Variants in KCNJ15 observed in about 807,000 individuals in gnomAD.
KCNJ15 encodes the protein ATP-sensitive inward rectifier potassium channel 15.
A neutral mutation model predicts 23.0 loss-of-function variants in KCNJ15; 14 were observed. The ratio of observed to expected loss-of-function variants is 0.61; its 90% CI spans 0.40 to 0.95. KCNJ15 has a LOEUF of 0.95. Among genes scored for constraint, KCNJ15 ranks in the 40% least tolerant of loss-of-function variants. The probability of loss-of-function intolerance (pLI) is 0.00; values close to 1 mark genes in which losing one functional copy is unlikely to be tolerated. For synonymous variants in KCNJ15, 185 were observed against 183.2 expected, an observed-to-expected ratio of 1.01 and a Z score of -0.08; for missense variants, 388 against 461.8, an observed-to-expected ratio of 0.84 and a Z score of 1.46.
chr21:38,231,051 C>G (rs1988722253), intron 1 of KCNJ15, among the ~76,000 whole-genome samples: 1 of 152,030 alleles, frequency 6.6e-6, no homozygotes, highest in Non-Finnish European at 1.5e-5. Flanking sequence ...AATCCATGAA[C>G]ATGGGATGTC....
intron 1 of KCNJ15, among the ~76,000 whole-genome samples, chr21:38,282,113 G>A (rs778919200): frequency 1.3e-5 from 2 of 152,030 alleles, no homozygotes; most frequent in Admixed American, 1.3e-4. Flanking sequence ...TTTAAATGGA[G>A]CAATATGTTT....
chr21:38,276,834 A>AT (rs761460256), intron 1 of KCNJ15, among the ~76,000 whole-genome samples: 1 of 152,174 alleles, frequency 6.6e-6, no homozygotes, highest in Non-Finnish European at 1.5e-5. Context: ...TGATCAAGGC[A>AT]TTTACATCCT....
rs1034741952 is a variant in KCNJ15 at position 38,299,284 on chromosome 21, T to G, written c.23T>G (p.Met8Arg). MDAIHIG[M>R]SSTPLVKHTA... ...GCAATGGATGCCATTCACATCGGCATGTCCAGCACCCCCCTGGTGAAGCAC... is the reference window on the plus strand; with the variant it reads ...GCAATGGATGCCATTCACATCGGCAGGTCCAGCACCCCCCTGGTGAAGCAC... Residue 8 changes from methionine to arginine, a missense_variant, in exon 3 of 3, where the codon ATG (methionine) becomes AGG (arginine). Coordinates refer to ENST00000398938, the MANE Select transcript of KCNJ15 (RefSeq NM_170736.3). This position sits in a 1 kb window ranked among gnomAD's most constrained non-coding sequence, Gnocchi z 4.5. 1.9e-6 allele frequency: 3 copies of G among 1,613,498 alleles called. 1 individual carries two copies. Among genetic ancestry groups the G allele is most frequent in the Non-Finnish European group, 2.5e-6 (3 of 1,179,574 alleles).
At chr21:38,239,959 C>T (rs1353603992) in intron 1 of KCNJ15, among the ~76,000 whole-genome samples, 5 of 152,112 alleles carry the variant, frequency 3.3e-5, no homozygotes, top group South Asian at 2.1e-4. Flanking sequence ...GGTTTATTTA[C>T]GTTTTCTTAC....
chr21:38,266,653 A>T (rs1478837274), intron 1 of KCNJ15, among the ~76,000 whole-genome samples: 1 of 152,198 alleles, frequency 6.6e-6, no homozygotes, highest in Non-Finnish European at 1.5e-5. Flanking sequence ...AGTGATTTAT[A>T]ATCCTTTGGG....
chr21:38,253,691 A>T (rs1014146085), upstream of KCNJ15, among the ~76,000 whole-genome samples: 2 of 151,022 alleles, frequency 1.3e-5, no homozygotes, highest in African/African-American at 4.9e-5. Flanking sequence ...ACATTATAGC[A>T]TTTTTTTTTC....
chr21:38,269,970 C>T (rs552322221), intron 1 of KCNJ15, among the ~76,000 whole-genome samples: 1 of 152,222 alleles, frequency 6.6e-6, no homozygotes, highest in African/African-American at 2.4e-5. Flanking sequence ...TCCCACCGCT[C>T]CCCAGCAAGG....
upstream of KCNJ15, among the ~76,000 whole-genome samples, chr21:38,253,850 GTCTT>G (rs1980003364): frequency 6.6e-6 from 1 of 152,176 alleles, no homozygotes; most frequent in South Asian, 2.1e-4. Context: ...ACAACTAAGA[GTCTT>G]TCCGTTAACT....
chr21:38,254,323 C>A (rs2123588408), upstream of KCNJ15, among the ~76,000 whole-genome samples: 1 of 152,328 alleles, frequency 6.6e-6, no homozygotes, highest in East Asian at 1.9e-4. Flanking sequence ...GTCAGATCTG[C>A]AGCCTCAAAA....
At chr21:38,241,861 T>C (rs9305639) in intron 1 of KCNJ15, among the ~76,000 whole-genome samples, 69,732 of 151,006 alleles carry the variant, frequency 0.46, 16,833 homozygotes, top group East Asian at 0.86. Context: ...CCCAGCTACT[T>C]GGAAGACTGA....
At chr21:38,293,710 A>G (rs1383489516) in intron 1 of KCNJ15, among the ~76,000 whole-genome samples, 1 of 148,538 alleles carries the variant, frequency 6.7e-6, no homozygotes, top group African/African-American at 2.5e-5. Flanking sequence ...GCCATCCTTC[A>G]GTCCTCAGTA....
At chr21:38,250,748 T>C (rs1222185590) in intron 1 of KCNJ15, among the ~76,000 whole-genome samples, 1 of 152,352 alleles carries the variant, frequency 6.6e-6, no homozygotes, top group Admixed American at 6.5e-5. Flanking sequence ...CAAGCACCAA[T>C]TGACCAATTG....
chr21:38,255,404 G>C (rs1053660380), upstream of KCNJ15, among the ~76,000 whole-genome samples: 1 of 152,134 alleles, frequency 6.6e-6, no homozygotes, highest in Non-Finnish European at 1.5e-5. Flanking sequence ...ATATCCTCGC[G>C]GGAGGTCTAT....
In KCNJ15 at chr21:38,301,981, T is replaced by C. The variant is rs7282578; in HGVS notation, c.*1592T>C. On this transcript the variant is annotated 3_prime_UTR_variant, in exon 3 of 3. Coordinates refer to ENST00000398938, the MANE Select transcript of KCNJ15 (RefSeq NM_170736.3). ...AGTCACACACGCACACACACACACA[T>C]GCACACACGCGCGTGCACACACGCA... The C allele has an allele frequency of 0.099, 15,004 of 151,908 alleles. 2,087 individuals are homozygous for C. The highest frequency in any genetic ancestry group is 0.33 in the African/African-American group (12,896 of 38,654). 9.4% of individuals were successfully genotyped at this position (151,908 alleles called of 1,614,324 possible).
At chr21:38,244,242 A>T (rs1979213895) in intron 1 of KCNJ15, among the ~76,000 whole-genome samples, 2 of 152,194 alleles carry the variant, frequency 1.3e-5, no homozygotes, top group African/African-American at 4.8e-5. Flanking sequence ...AGGGAAAGAA[A>T]GAATTGTACC....
At chr21:38,230,254 T>G (rs1656791035) in intron 1 of KCNJ15, among the ~76,000 whole-genome samples, 1 of 152,196 alleles carries the variant, frequency 6.6e-6, no homozygotes, top group Non-Finnish European at 1.5e-5. Context: ...ATTGTGGTTT[T>G]GATTTGCATT....
intron 1 of KCNJ15, among the ~76,000 whole-genome samples, chr21:38,289,808 C>A (rs117135763): frequency 0.012 from 1,899 of 152,306 alleles, 24 homozygotes; most frequent in South Asian, 0.051. Flanking sequence ...ACCCCCTCCA[C>A]ACTCACTTCC....
chr21:38,256,102 T>C (rs1196003750), upstream of KCNJ15, among the ~76,000 whole-genome samples: 1 of 152,044 alleles, frequency 6.6e-6, no homozygotes, highest in African/African-American at 2.4e-5. Flanking sequence ...ACATGAGCCT[T>C]GGACGGGCCT....
At chr21:38,259,112 G>A (rs767484208) in intron 1 of KCNJ15, among the ~76,000 whole-genome samples, 14 of 152,140 alleles carry the variant, frequency 9.2e-5, no homozygotes, top group African/African-American at 1.4e-4. Context: ...CTTTAGGCAC[G>A]GAATAGAGAG....
Sources: gnomAD v4.1 joint callset for allele counts (sites outside exome capture counted in the v4.1 genomes callset) on GRCh38, gnomAD v4.1.1 for gene constraint, Gnocchi (gnomAD v3.1) non-coding constraint, MANE v1.5 for transcripts, NCBI Gene and HGNC (gene_info 2026-07-23, HGNC 2026-07-21) for gene names.